The following DNAH17 variants were observed in gnomAD, a reference collection of about 807,000 sequenced individuals.
The protein encoded by DNAH17 is dynein axonemal heavy chain 17, also known as axonemal beta dynein heavy chain 17.
DNAH17 carries 376 observed loss-of-function variants against 485.6 expected under a neutral mutation model. The observed-to-expected ratio is 0.77, with a 90% confidence interval of 0.71 to 0.84. The LOEUF is 0.84. Ranked by LOEUF, DNAH17 falls within the 40% of genes least tolerant of loss-of-function variation. DNAH17 has a pLI of 0.00. For missense variants in DNAH17, 6,370 were observed against 5,839.3 expected (o/e 1.09, Z -2.96); for synonymous variants, 3,031 against 2,405.9 (o/e 1.26, Z -7.60).
intron 75 of DNAH17, among the ~76,000 whole-genome samples, chr17:78,430,719 T>G (rs1173497817): frequency 2.6e-5 from 4 of 152,106 alleles, no homozygotes; most frequent in Non-Finnish European, 4.4e-5. Flanking sequence ...TAGCTGGGAT[T>G]ACAGGTGCAC....
chr17:78,468,632 C>T lies in DNAH17; in HGVS notation c.8763G>A (p.Val2921=), dbSNP rs762206340. The change falls in exon 55 of 81, where the codon GTG becomes GTA. Residue 2921 remains valine, a synonymous_variant. Coordinates refer to ENST00000389840, the MANE Select transcript of DNAH17 (RefSeq NM_173628.4). ...GGAGCCCCACCTTGAGCTGTCTGCG[C>T]ACTTTTTCGATGAAGAACTTCCAAC... ...ETCWKFFIEK[V]RRQLKVILCF... 1.9e-6 allele frequency: 3 copies of T among 1,613,454 alleles called. No homozygotes were observed. Among genetic ancestry groups the T allele is most frequent in the South Asian group, 2.2e-5 (2 of 90,972 alleles).
intron 14 of DNAH17, among the ~76,000 whole-genome samples, chr17:78,557,259 A>T (rs56029762): frequency 1.3e-5 from 2 of 151,936 alleles, no homozygotes; most frequent in Non-Finnish European, 1.5e-5. Flanking sequence ...GAAGTAATGG[A>T]AGCAATGTTG....
In DNAH17 at chr17:78,491,568, G is replaced by A; in HGVS notation, c.6544C>T (p.Leu2182=). 16 of 1,613,842 alleles carry A rather than the reference G, an allele frequency of 9.9e-6. No homozygotes were observed. Among genetic ancestry groups the A allele is most frequent in the Non-Finnish European group, 1.4e-5 (16 of 1,179,858 alleles). The stretch of plus-strand genomic sequence containing the variant: ...AGGTCTCGCATGATGGTGGAGAACA[G>A]GCCTGGGGGAGGCGCGTGGTATGAC... The part of the protein sequence containing the change: ...NPVTREWKDG[L]FSTIMRDLAN... The change falls in exon 43 of 81, where the codon CTG becomes TTG. Residue 2182 remains leucine, a splice_region_variant and synonymous_variant. Transcript: ENST00000389840.
At chr17:78,428,780 T>C in intron 76 of DNAH17, 73 bp from the exon 77 acceptor site, 1 of 1,557,196 alleles carries the variant, frequency 6.4e-7, no homozygotes, top group Admixed American at 1.7e-5. Flanking sequence ...TGGTTAAGCA[T>C]TCCTTGCCAG....
Position 78,459,980 on chromosome 17 carries a change from A to C in DNAH17, c.9457T>G (p.Ser3153Ala), listed in dbSNP as rs781115743. 16 of 1,612,788 alleles carry C rather than the reference A, an allele frequency of 9.9e-6. No homozygotes were observed. Among genetic ancestry groups the C allele is most frequent in the African/African-American group, 1.3e-5 (1 of 74,848 alleles). The change falls in exon 60 of 81, where the codon TCC becomes GCC. Residue 3153 changes from serine (S) to alanine (A), a missense_variant. By Grantham distance (99) the Ser-to-Ala change is moderately conservative. Transcript: ENST00000389840. ...LNKNNLTELKSFGSPPDAVVN... is the reference protein window; with the variant it reads ...LNKNNLTELKAFGSPPDAVVN... ...ACAGCATCCGGCGGGGACCCAAAGG[A>C]CTTCAGCTCTGTCAGGTTGTTCTGC...
Position 78,561,944 on chromosome 17 carries a change from G to A in DNAH17, c.1606C>T (p.Leu536=). Residue 536 remains leucine (L), a synonymous_variant, in exon 12 of 81, where the codon CTG becomes TTG. Coordinates refer to ENST00000389840, the MANE Select transcript of DNAH17 (RefSeq NM_173628.4). ...CTGGGCGCCACCTCGGCAAGAATCA[G>A]GGGCCGCTCCATGAGGCCCCCACAC... The part of the protein sequence containing the change: ...YMCGGLMERP[L]ILAEVAPRYS... 6.2e-7 allele frequency: 1 copy of A among 1,612,352 alleles called. No homozygotes were observed. Among genetic ancestry groups the A allele is most frequent in the Non-Finnish European group, 8.5e-7 (1 of 1,179,226 alleles).
chr17:78,570,249 T>A lies in DNAH17; in HGVS notation c.1042A>T (p.Met348Leu). The change falls in exon 7 of 81, where the codon ATG becomes TTG. Residue 348 changes from methionine (M) to leucine (L), a missense_variant and splice_region_variant. By Grantham distance (15) the Met-to-Leu change is conservative (BLOSUM62 2). Transcript: ENST00000389840. ...CCCAGGGGCCAGGGGAGGGTTACCA[T>A]CTCGATGATTTGGTTGCAGAACTCC... The part of the protein sequence containing the change: ...LQEFCNQIIE[M>L]TRTFLSPEEV... 1 of 1,581,630 alleles carries A rather than the reference T, an allele frequency of 6.3e-7. No individual in the cohort carries two copies. Among genetic ancestry groups the A allele is most frequent in the Non-Finnish European group, 8.6e-7 (1 of 1,163,954 alleles).
chr17:78,541,494 G>C (rs531769403), intron 17 of DNAH17, among the ~76,000 whole-genome samples: 1 of 151,792 alleles, frequency 6.6e-6, no homozygotes, highest in Non-Finnish European at 1.5e-5. Context: ...CCTCAGGCAG[G>C]TCTATTCTAA....
At chr17:78,506,159 G>A (rs868755549) in intron 30 of DNAH17, among the ~76,000 whole-genome samples, 3 of 28,864 alleles carry the variant, frequency 1.0e-4, no homozygotes, top group Admixed American at 2.8e-4. Context: ...TTTTTTTTTT[G>A]AGACAGAGTC....
At chr17:78,440,244 CTTTTTTTTTT>C (rs71160296) in intron 72 of DNAH17, among the ~76,000 whole-genome samples, 3 of 40,308 alleles carry the variant, frequency 7.4e-5, no homozygotes, top group African/African-American at 1.2e-4. Context: ...CGACTTCATG[CTTTTTTTTTT>C]TTTTTTTTTT....
At chr17:78,454,914 GT>G (rs146636780) in intron 63 of DNAH17, among the ~76,000 whole-genome samples, 14 of 149,360 alleles carry the variant, frequency 9.4e-5, no homozygotes, top group Admixed American at 5.4e-4. Context: ...ACCGGGCCAC[GT>G]TTTTTTTTTC....
intron 35 of DNAH17, 21 bp from the exon 36 acceptor site, chr17:78,500,482 G>A (rs2090242006): frequency 6.5e-7 from 1 of 1,549,812 alleles, no homozygotes. Context: ...CCACAGGTAA[G>A]CGTGTGTGCC....
At chr17:78,456,905 C>T (rs376617009) in intron 62 of DNAH17, among the ~76,000 whole-genome samples, 15 of 152,230 alleles carry the variant, frequency 9.9e-5, no homozygotes, top group African/African-American at 3.1e-4. Context: ...GGAGAAAACA[C>T]AGCTTGCAGG....
At chr17:78,562,355 G>A (rs940942299) in intron 11 of DNAH17, among the ~76,000 whole-genome samples, 6 of 152,110 alleles carry the variant, frequency 3.9e-5, no homozygotes, top group African/African-American at 9.7e-5. Context: ...GGGCCGAGGC[G>A]GGAGGGTCAC....
Position 78,434,142 on chromosome 17 carries a change from C to A in DNAH17, c.12112G>T (p.Ala4038Ser). The change falls in exon 75 of 81, where the codon GCA (alanine) becomes TCA (serine). Residue 4038 changes from alanine (A) to serine (S), a missense_variant. By Grantham distance (99) the Ala-to-Ser change is moderately conservative (BLOSUM62 1). Transcript: ENST00000389840. ...TGGGCGCCGAACTTGCGCCTCTCTG[C>A]CACCACAGCGTGGAAGTAGCACAGG... is the stretch of plus-strand genomic sequence containing the variant. Reference protein sequence around the residue: ...FALCYFHAVVAERRKFGAQGW... With the variant: ...FALCYFHAVVSERRKFGAQGW... 1 of 1,613,652 alleles carries A rather than the reference C, an allele frequency of 6.2e-7. No homozygotes were observed. The highest frequency in any genetic ancestry group is 8.5e-7 in the Non-Finnish European group (1 of 1,179,850).
At chr17:78,558,059 CA>C in intron 14 of DNAH17, 48 bp downstream of exon 14, 1 of 1,553,872 alleles carries the variant, frequency 6.4e-7, no homozygotes, top group South Asian at 1.2e-5. Flanking sequence ...GACAAAAAAC[CA>C]AAACAATACA....
chr17:78,425,116 T>A (rs1204095439), intron 80 of DNAH17: 1 of 474,690 alleles, frequency 2.1e-6, no homozygotes, highest in Non-Finnish European at 3.8e-6. Context: ...GCCAGGTGAC[T>A]GGGGTGTTTT....
In DNAH17 at chr17:78,450,703, T is replaced by C; in HGVS notation, c.10878A>G (p.Thr3626=). The C allele has an allele frequency of 6.2e-7, 1 of 1,613,690 alleles. No individual in the cohort carries two copies. Among genetic ancestry groups the C allele is most frequent in the Non-Finnish European group, 8.5e-7 (1 of 1,179,804 alleles). ...LVENLETTKH[T]ASEIEEKVVE... ...TGACCTTCTCCTCGATCTCGCTGGCTGTGTGCTTGGTGGTCTCCAGATTCT... is the reference window on the plus strand; with the variant it reads ...TGACCTTCTCCTCGATCTCGCTGGCCGTGTGCTTGGTGGTCTCCAGATTCT... Residue 3626 remains threonine (T), a synonymous_variant, in exon 67 of 81, where the codon ACA becomes ACG. Transcript: ENST00000389840.
intron 18 of DNAH17, among the ~76,000 whole-genome samples, chr17:78,539,155 A>G (rs925865574): frequency 6.6e-6 from 1 of 152,112 alleles, no homozygotes; most frequent in Non-Finnish European, 1.5e-5. Context: ...GCTTGAACCC[A>G]GGAGGTGGAG....
Sources: gnomAD v4.1 joint callset for allele counts (sites outside exome capture counted in the v4.1 genomes callset) on GRCh38, gnomAD v4.1.1 for gene constraint, MANE v1.5 for transcripts, NCBI Gene and HGNC (gene_info 2026-07-23, HGNC 2026-07-21) for gene names.